The following GDPD4 variants were observed in gnomAD, a reference collection of about 807,000 sequenced individuals.
The protein encoded by GDPD4 is glycerophosphodiester phosphodiesterase 6.
Under a neutral mutation model 67.8 loss-of-function variants are expected in GDPD4, and 60 were observed. The ratio of observed to expected loss-of-function variants is 0.88; its 90% CI spans 0.72 to 1.10. GDPD4 has a LOEUF of 1.10. GDPD4 is among the 50% of genes least tolerant of loss of function. The probability of loss-of-function intolerance (pLI) is 0.00; values close to 1 mark genes in which losing one functional copy is unlikely to be tolerated. For synonymous variants in GDPD4, 212 were observed against 210.9 expected, an observed-to-expected ratio of 1.00 and a Z score of -0.04; for missense variants, 623 against 613.9, an observed-to-expected ratio of 1.01 and a Z score of -0.16.
At chr11:77,259,649 G>A (rs1018294531) in intron 10 of GDPD4, among the ~76,000 whole-genome samples, 2 of 152,042 alleles carry the variant, frequency 1.3e-5, no homozygotes, top group Admixed American at 6.5e-5. Flanking sequence ...GTACAGGGTG[G>A]GGGAACCTAA....
intron 4 of GDPD4, 134 bp from the exon 5 acceptor site, chr11:77,276,354 T>A: frequency 1.4e-6 from 1 of 708,782 alleles, no homozygotes; most frequent in Non-Finnish European, 2.5e-6. Flanking sequence ...GTACTTTATT[T>A]AGCCTCTGGG....
chr11:77,266,179 G>C (rs1335117123), intron 10 of GDPD4, among the ~76,000 whole-genome samples: 1 of 152,128 alleles, frequency 6.6e-6, no homozygotes. Context: ...TAAATGCCCA[G>C]GAGTACAATT....
At chr11:77,260,238 G>A (rs1959085881) in intron 10 of GDPD4, among the ~76,000 whole-genome samples, 1 of 151,494 alleles carries the variant, frequency 6.6e-6, no homozygotes, top group African/African-American at 2.4e-5. Flanking sequence ...CCTGGGAGGC[G>A]GAGGTTGCAG....
At chr11:77,300,247 G>A (rs1938115310) in intron 1 of GDPD4, among the ~76,000 whole-genome samples, 1 of 151,962 alleles carries the variant, frequency 6.6e-6, no homozygotes, top group African/African-American at 2.4e-5. Flanking sequence ...TAGCCTGTGC[G>A]GTCTAACACT....
At chr11:77,296,845 G>A (rs893948371) in intron 1 of GDPD4, among the ~76,000 whole-genome samples, 1 of 151,088 alleles carries the variant, frequency 6.6e-6, no homozygotes, top group Non-Finnish European at 1.5e-5. Flanking sequence ...AGATCACAAG[G>A]TCAGGAGTTC....
At chr11:77,262,879 G>C (rs890514652) in intron 10 of GDPD4, among the ~76,000 whole-genome samples, 34 of 81,872 alleles carry the variant, frequency 4.2e-4, no homozygotes, top group Non-Finnish European at 5.5e-4. Flanking sequence ...AAAAAAAAAG[G>C]AGCTGGGGCT....
intron 16 of GDPD4, among the ~76,000 whole-genome samples, chr11:77,225,163 G>T (rs956947407): frequency 6.6e-6 from 1 of 151,780 alleles, no homozygotes; most frequent in Non-Finnish European, 1.5e-5. Context: ...AAAAATAAAG[G>T]AAATTAATTA....
chr11:77,298,820 T>G (rs918105395), intron 1 of GDPD4, among the ~76,000 whole-genome samples: 1 of 152,118 alleles, frequency 6.6e-6, no homozygotes, highest in African/African-American at 2.4e-5. Flanking sequence ...AAACATATTT[T>G]GGGGTAAAAT....
intron 1 of GDPD4, among the ~76,000 whole-genome samples, chr11:77,293,033 G>A (rs546097803): frequency 6.6e-5 from 10 of 152,088 alleles, no homozygotes; most frequent in East Asian, 5.8e-4. Flanking sequence ...CAACAACAAC[G>A]GGTTCACTGG....
At position 77,269,941 on chromosome 11, in the gene GDPD4, C is replaced by G. The variant is rs1252068456; in HGVS notation, c.420G>C (p.Arg140Ser). ...LEREVRMRRYRMTHSEKKRLK... is the reference protein window; with the variant it reads ...LEREVRMRRYSMTHSEKKRLK... ...GTCTTTTTTTCTCAGAATGTGTCAT[C>G]CTGTATCTTCTCATTCTAACTAAAA... The change falls in exon 8 of 17, where the codon AGG (arginine) becomes AGC (serine). Residue 140 changes from arginine (R) to serine (S), a missense_variant. Coordinates refer to ENST00000315938, the MANE Select transcript of GDPD4 (RefSeq NM_182833.3). 6.4e-7 allele frequency: 1 copy of G among 1,561,498 alleles called. No individual in the cohort carries two copies. Among genetic ancestry groups the G allele is most frequent in the Admixed American group, 1.7e-5 (1 of 59,150 alleles).
chr11:77,271,037 G>A (rs1355990340), intron 7 of GDPD4, 93 bp downstream of exon 7: 9 of 822,460 alleles, frequency 1.1e-5, no homozygotes, highest in Non-Finnish European at 1.8e-5. Flanking sequence ...GCATAGGGGT[G>A]GCTAGTTCCC....
chr11:77,271,642 T>C (rs1959229201), intron 5 of GDPD4, among the ~76,000 whole-genome samples: 1 of 152,240 alleles, frequency 6.6e-6, no homozygotes, highest in South Asian at 2.1e-4. Flanking sequence ...ACACAGCTAA[T>C]TTACCATTAC....
At chr11:77,298,041 G>C (rs1480381489) in intron 1 of GDPD4, among the ~76,000 whole-genome samples, 1 of 151,942 alleles carries the variant, frequency 6.6e-6, no homozygotes, top group Non-Finnish European at 1.5e-5. Context: ...AAGTTCAGGA[G>C]GGAGCTGAAA....
intron 16 of GDPD4, among the ~76,000 whole-genome samples, chr11:77,221,952 C>CTTG (rs971127751): frequency 2.0e-5 from 3 of 152,286 alleles, no homozygotes; most frequent in East Asian, 1.9e-4. Context: ...ATAGTTAGCT[C>CTTG]TTGTTGAATT....
intron 10 of GDPD4, among the ~76,000 whole-genome samples, chr11:77,261,352 C>T (rs1338883347): frequency 2.0e-5 from 3 of 152,082 alleles, no homozygotes; most frequent in Admixed American, 1.3e-4. Flanking sequence ...ATTCTCCTGC[C>T]TCAGCCTCCC....
chr11:77,257,552 T>TAC (rs71043563), intron 11 of GDPD4, among the ~76,000 whole-genome samples: 20,673 of 134,008 alleles, frequency 0.15, 1,743 homozygotes, highest in South Asian at 0.28. Context: ...CTCCCTCTCC[T>TAC]ACACACACAC....
At chr11:77,268,877 C>G (rs182718540) in intron 9 of GDPD4, 47 bp downstream of exon 9, 1 of 1,586,218 alleles carries the variant, frequency 6.3e-7, no homozygotes, top group Non-Finnish European at 8.6e-7. Flanking sequence ...TGACCACATA[C>G]CCCACACATA....
At chr11:77,297,313 G>A (rs1284920564) in intron 1 of GDPD4, among the ~76,000 whole-genome samples, 3 of 152,020 alleles carry the variant, frequency 2.0e-5, no homozygotes, top group East Asian at 1.9e-4. Flanking sequence ...TTGGGAGGCC[G>A]AGGTGGGCGG....
chr11:77,235,009 G>GGTTTTTTTTTTTTTTTTTTTT (rs1958524240), intron 13 of GDPD4, among the ~76,000 whole-genome samples: 1 of 52,254 alleles, frequency 1.9e-5, no homozygotes, highest in Non-Finnish European at 3.7e-5. Flanking sequence ...GTCAATATCT[G>GGTTTTTTTTTTTTTTTTTTTT]TTTTTTTTTT....
Sources: allele counts gnomAD v4.1 joint callset (sites outside exome capture counted in the v4.1 genomes callset), GRCh38; gene constraint gnomAD v4.1.1; transcripts MANE v1.5; gene names NCBI Gene and HGNC (gene_info 2026-07-23, HGNC 2026-07-21).